Variants in PIGU observed in about 807,000 individuals in gnomAD.
PIGU encodes the protein phosphatidylinositol glycan anchor biosynthesis class U.
PIGU carries 24 observed loss-of-function variants against 49.9 expected under a neutral mutation model. The observed-to-expected ratio is 0.48, with a 90% CI of 0.35 to 0.68. PIGU has a LOEUF of 0.68. Among genes scored for constraint, PIGU ranks in the 30% least tolerant of loss-of-function variants. PIGU has a pLI of 0.01. For missense variants in PIGU, 490 were observed against 532.6 expected (o/e 0.92, Z 0.79); for synonymous variants, 220 against 205.7 (o/e 1.07, Z -0.59).
intron 1 of PIGU, among the ~76,000 whole-genome samples, chr20:34,666,857 A>C (rs949321454): frequency 6.6e-6 from 1 of 151,620 alleles, no homozygotes; most frequent in Admixed American, 6.6e-5. Flanking sequence ...CCACCACGCC[A>C]GGCTAATTTT....
intron 7 of PIGU, 57 bp from the exon 8 acceptor site, chr20:34,588,664 T>G (rs540340901): frequency 1.6e-5 from 24 of 1,522,088 alleles, no homozygotes; most frequent in Non-Finnish European, 2.1e-5. Context: ...AGGGCAGCTA[T>G]TAGCTTACAC....
intron 7 of PIGU, among the ~76,000 whole-genome samples, chr20:34,605,535 A>C (rs1234749438): frequency 6.6e-6 from 1 of 152,200 alleles, no homozygotes; most frequent in Admixed American, 6.5e-5. Flanking sequence ...ATCATAGCTA[A>C]TATCTATCAA....
chr20:34,612,784 G>T (rs1984869329), intron 7 of PIGU, among the ~76,000 whole-genome samples: 2 of 151,630 alleles, frequency 1.3e-5, no homozygotes, highest in Admixed American at 1.3e-4. Flanking sequence ...CCCCATGTCT[G>T]GCTAATTTTT....
Position 34,656,308 on chromosome 20 carries a change from A to C in PIGU, c.195+872T>G, listed in dbSNP as rs1461353153. On this transcript the variant is annotated intron_variant, in intron 2 of 11. Transcript: ENST00000217446. ...TTTTTTTTTTTTTTTTTTGAGACGG[A>C]GTCTCGCTCTGTCACCCAGGCTGGA... is the stretch of plus-strand genomic sequence containing the variant. Among the ~76,000 whole-genome samples the C allele has an allele frequency of 4.6e-4, 36 of 78,308 alleles. 6 individuals carry two copies. The South Asian group carries it at 0.01, about 22-fold the overall frequency. The allele number at this position is 78,308 out of a possible 152,430, so 51.4% of individuals were successfully genotyped here.
intron 1 of PIGU, among the ~76,000 whole-genome samples, chr20:34,664,814 C>T (rs944326187): frequency 6.6e-6 from 1 of 151,930 alleles, no homozygotes; most frequent in Non-Finnish European, 1.5e-5. Flanking sequence ...CATGGTGAAA[C>T]CCTGTCTCTA....
intron 1 of PIGU, among the ~76,000 whole-genome samples, chr20:34,663,037 A>T (rs1986976021): frequency 1.3e-5 from 2 of 152,100 alleles, no homozygotes; most frequent in African/African-American, 4.8e-5. Context: ...CCTCCCAAGT[A>T]GCTGAGAACA....
chr20:34,647,975 C>A (rs1986412205), intron 2 of PIGU, among the ~76,000 whole-genome samples: 1 of 152,084 alleles, frequency 6.6e-6, no homozygotes, highest in African/African-American at 2.4e-5. Flanking sequence ...CCCAGTCAGG[C>A]ACAGTGGCTC....
At chr20:34,602,619 A>G (rs1422030051) in intron 7 of PIGU, among the ~76,000 whole-genome samples, 1 of 152,148 alleles carries the variant, frequency 6.6e-6, no homozygotes, top group Non-Finnish European at 1.5e-5. Flanking sequence ...AAAAAATAAA[A>G]TGTATGTATG....
chr20:34,622,827 C>A lies in PIGU; in HGVS notation c.530-6688G>T, dbSNP rs1477913824. ...TTTCTATATAAGCCTTGATATTTAGCCTTATCCTAGGGATATTAGAGTAAA... is the reference window on the plus strand; with the variant it reads ...TTTCTATATAAGCCTTGATATTTAGACTTATCCTAGGGATATTAGAGTAAA... On this transcript the variant is annotated intron_variant, in intron 6 of 11. Coordinates refer to ENST00000217446, the MANE Select transcript of PIGU (RefSeq NM_080476.5). 2.6e-5 allele frequency among the ~76,000 whole-genome samples: 4 copies of A among 152,148 alleles called. No homozygotes were observed. The East Asian group carries it at 7.7e-4, about 29-fold the overall frequency.
chr20:34,648,938 G>C (rs534929141), intron 2 of PIGU, among the ~76,000 whole-genome samples: 12 of 152,132 alleles, frequency 7.9e-5, no homozygotes, highest in Non-Finnish European at 1.8e-4. Flanking sequence ...CGCGATCTCA[G>C]CTCACTGCAA....
At chr20:34,625,584 T>C (rs1985448599) in intron 6 of PIGU, among the ~76,000 whole-genome samples, 2 of 151,712 alleles carry the variant, frequency 1.3e-5, no homozygotes, top group Middle Eastern at 3.2e-3. Flanking sequence ...GGCAGGTGGA[T>C]TGCTTGAGGC....
chr20:34,560,919 C>A lies in PIGU; in HGVS notation c.1255G>T (p.Gly419Cys). 1 of 1,613,076 alleles carries A rather than the reference C, an allele frequency of 6.2e-7. No homozygotes were observed. The highest frequency in any genetic ancestry group is 8.5e-7 in the Non-Finnish European group (1 of 1,179,390). Residue 419 changes from glycine (G) to cysteine (C), a missense_variant, in exon 12 of 12, where the codon GGC becomes TGC. Coordinates refer to ENST00000217446, the MANE Select transcript of PIGU (RefSeq NM_080476.5). ...FLRREYYLTH[G>C]LYLTAKDGTE... ...CCATCCTTGGCGGTCAAGTAGAGGC[C>A]ATGTGTGAGGTAGTACTCCCGCCGC...
At chr20:34,671,538 AGGCGTTAGCCAC>A (rs1987306196) in intron 1 of PIGU, among the ~76,000 whole-genome samples, 1 of 152,152 alleles carries the variant, frequency 6.6e-6, no homozygotes, top group Non-Finnish European at 1.5e-5. Flanking sequence ...CTGGGATTAC[AGGCGTTAGCCAC>A]CGTGCCCAGC....
intron 7 of PIGU, among the ~76,000 whole-genome samples, chr20:34,610,588 C>T (rs569325946): frequency 2.0e-4 from 30 of 152,292 alleles, no homozygotes; most frequent in African/African-American, 5.8e-4. Context: ...ATTCCTTGTT[C>T]ATGGATAGGA....
At position 34,656,360 on chromosome 20, in the gene PIGU, G is replaced by A. The variant is rs1225886432; in HGVS notation, c.195+820C>T. ...TGCAGTGGTGCGATCTCGGCTCACT[G>A]CAAGCTCCACCTCCCGGGTTCGCGC... is the stretch of plus-strand genomic sequence containing the variant. On this transcript the variant is annotated intron_variant, in intron 2 of 11. Transcript: ENST00000217446. Among the ~76,000 whole-genome samples the A allele has an allele frequency of 2.8e-5, 3 of 105,406 alleles. 1 individual carries two copies. The highest frequency in any genetic ancestry group is 2.7e-4 in the Admixed American group (2 of 7,414). The allele number at this position is 105,406 out of a possible 152,430, so 69.2% of individuals were successfully genotyped here.
intron 7 of PIGU, among the ~76,000 whole-genome samples, chr20:34,599,550 G>A (rs1984333855): frequency 6.6e-6 from 1 of 152,196 alleles, no homozygotes; most frequent in East Asian, 1.9e-4. Context: ...GCAGCCCCTG[G>A]AGAGTGCACC....
At chr20:34,640,568 TAG>T (rs1986128983) in intron 4 of PIGU, among the ~76,000 whole-genome samples, 1 of 151,022 alleles carries the variant, frequency 6.6e-6, no homozygotes, top group Admixed American at 6.6e-5. Context: ...AAAATGAAGT[TAG>T]GGTATATATT....
chr20:34,614,012 C>T (rs1475216544), intron 7 of PIGU, among the ~76,000 whole-genome samples: 1 of 152,106 alleles, frequency 6.6e-6, no homozygotes, highest in Non-Finnish European at 1.5e-5. Context: ...AAAATAATTT[C>T]AAGCTGGGCA....
rs562683306 is a variant in PIGU, at chr20:34,637,989, GAA to G, written c.319-6_319-5del. 8.5e-4 allele frequency: 1,134 copies of G among 1,329,644 alleles called. No homozygotes were observed. Among genetic ancestry groups the G allele is most frequent in the Admixed American group, 2.6e-3 (87 of 32,950 alleles). 82.4% of individuals were successfully genotyped at this position (1,329,644 alleles called of 1,614,324 possible). ...GGAGGAGTTTCTGCTTTTTAAACTA[GAA>G]AAAAAAAAAAAAGGAAAAGATAAAA... On this transcript the variant is annotated splice_region_variant and splice_polypyrimidine_tract_variant and intron_variant, in intron 4 of 11. Coordinates refer to ENST00000217446, the MANE Select transcript of PIGU (RefSeq NM_080476.5).
Sources: gnomAD v4.1 joint callset for allele counts (sites outside exome capture counted in the v4.1 genomes callset) on GRCh38, gnomAD v4.1.1 for gene constraint, MANE v1.5 for transcripts, NCBI Gene and HGNC (gene_info 2026-07-23, HGNC 2026-07-21) for gene names.